Variants in PKHD1 observed in about 807,000 individuals in gnomAD.
The protein encoded by PKHD1 is fibrocystin.
Under a neutral mutation model 412.0 loss-of-function variants are expected in PKHD1, and 291 were observed. That is an observed-to-expected ratio of 0.71 (90% confidence interval 0.64 to 0.78). PKHD1 has a LOEUF of 0.78. Ranked by LOEUF, PKHD1 falls within the 30% of genes least tolerant of loss-of-function variation. PKHD1 has a pLI of 0.00. For missense variants in PKHD1, 4,825 were observed against 4,950.7 expected (o/e 0.97, Z 0.76); for synonymous variants, 1,777 against 1,821.5 (o/e 0.98, Z 0.62).
chr6:51,674,045 G>A (rs1460425800), intron 60 of PKHD1, among the ~76,000 whole-genome samples: 1 of 152,130 alleles, frequency 6.6e-6, no homozygotes, highest in Non-Finnish European at 1.5e-5. Context: ...TAGTGACTGA[G>A]GAAAGCTGGG....
chr6:51,799,996 C>T (rs574651688), intron 52 of PKHD1, among the ~76,000 whole-genome samples: 2 of 152,252 alleles, frequency 1.3e-5, no homozygotes, highest in Admixed American at 6.5e-5. Flanking sequence ...AGAGAATCAG[C>T]ACTGGCATAT....
chr6:51,724,618 G>T (rs961000933), intron 60 of PKHD1, among the ~76,000 whole-genome samples: 8 of 151,970 alleles, frequency 5.3e-5, no homozygotes, highest in Non-Finnish European at 1.2e-4. Context: ...TTGAAATCTT[G>T]GAATCACTGT....
At chr6:51,769,121 T>C (rs1416042405) in intron 55 of PKHD1, among the ~76,000 whole-genome samples, 5 of 151,496 alleles carry the variant, frequency 3.3e-5, no homozygotes, top group Non-Finnish European at 7.4e-5. Flanking sequence ...TCTATTTGGA[T>C]GTTTTCTCAG....
rs73738152 is a variant in PKHD1, at chr6:51,695,238, A to G, written c.10157-35269T>C. ...TGAAAACACTCATCTTGTTAAATAA[A>G]CATTATCTAATGAACAAAGGATTTT... On this transcript the variant is annotated intron_variant, in intron 60 of 66. Transcript: ENST00000371117. Among the ~76,000 whole-genome samples, 468 of 152,268 alleles carry G rather than the reference A, an allele frequency of 3.1e-3. 1 individual carries two copies. The highest frequency in any genetic ancestry group is 0.011 in the African/African-American group (446 of 41,554).
intron 60 of PKHD1, chr6:51,720,866 A>G (rs1781841866): frequency 2.5e-6 from 1 of 400,990 alleles, no homozygotes; most frequent in Non-Finnish European, 3.4e-6. Context: ...TTGTACATAC[A>G]GCATTTATTA....
intron 52 of PKHD1, among the ~76,000 whole-genome samples, chr6:51,805,993 G>A (rs6941078): frequency 0.6 from 89,841 of 149,964 alleles, 27,190 homozygotes; most frequent in East Asian, 0.78. Flanking sequence ...TAATCCTTTG[G>A]GTATATACCC....
intron 60 of PKHD1, among the ~76,000 whole-genome samples, chr6:51,739,284 G>T (rs1042710712): frequency 1.4e-4 from 21 of 151,854 alleles, no homozygotes; most frequent in African/African-American, 4.4e-4. Context: ...AGGCTGGAGT[G>T]CAGTGGCGTC....
intron 55 of PKHD1, among the ~76,000 whole-genome samples, chr6:51,758,974 C>A (rs987187261): frequency 3.9e-5 from 6 of 152,236 alleles, no homozygotes; most frequent in South Asian, 2.1e-4. Flanking sequence ...TGCATTTGAC[C>A]ACAGGCTCAG....
At chr6:51,710,339 A>T (rs1376145284) in intron 60 of PKHD1, among the ~76,000 whole-genome samples, 4 of 152,234 alleles carry the variant, frequency 2.6e-5, no homozygotes, top group Non-Finnish European at 5.9e-5. Context: ...TGCAGTGGAT[A>T]AGGCTCCTTT....
At chr6:52,077,961 GT>G (rs1320574506) in intron 5 of PKHD1, among the ~76,000 whole-genome samples, 1 of 149,754 alleles carries the variant, frequency 6.7e-6, no homozygotes, top group Non-Finnish European at 1.5e-5. Context: ...AAGTACAGTA[GT>G]GGTTATTGAC....
intron 34 of PKHD1, among the ~76,000 whole-genome samples, 159 bp downstream of exon 34, chr6:52,017,251 G>C (rs530922757): frequency 6.6e-6 from 1 of 152,180 alleles, no homozygotes; most frequent in Non-Finnish European, 1.5e-5. Flanking sequence ...TGATATGCAG[G>C]CTGGCTGGAA....
At chr6:51,768,202 G>C (rs1222439760) in intron 55 of PKHD1, among the ~76,000 whole-genome samples, 2 of 151,752 alleles carry the variant, frequency 1.3e-5, no homozygotes, top group Non-Finnish European at 2.9e-5. Flanking sequence ...GTTCATTGTA[G>C]ATTCTGGATA....
At chr6:51,735,337 G>C (rs779335806) in intron 60 of PKHD1, among the ~76,000 whole-genome samples, 1 of 152,106 alleles carries the variant, frequency 6.6e-6, no homozygotes, top group Non-Finnish European at 1.5e-5. Context: ...ATGTGAAGGG[G>C]TATAACGATC....
intron 34 of PKHD1, among the ~76,000 whole-genome samples, chr6:52,014,789 C>CATAG (rs1800309161): frequency 1.4e-5 from 2 of 142,152 alleles, no homozygotes; most frequent in Non-Finnish European, 3.0e-5. Flanking sequence ...ATGGATGGAT[C>CATAG]ATGGATGGAT....
intron 52 of PKHD1, among the ~76,000 whole-genome samples, chr6:51,798,029 T>C (rs1016542561): frequency 6.6e-6 from 1 of 152,154 alleles, no homozygotes; most frequent in Non-Finnish European, 1.5e-5. Flanking sequence ...TTTGCTTATC[T>C]GAAAAGGATC....
At chr6:51,672,524 A>G (rs1485844306) in intron 60 of PKHD1, among the ~76,000 whole-genome samples, 1 of 152,210 alleles carries the variant, frequency 6.6e-6, no homozygotes, top group African/African-American at 2.4e-5. Context: ...CCTAATCTTT[A>G]TCATCTTCAC....
chr6:51,921,058 CT>C lies in PKHD1; in HGVS notation c.6122-8483del, dbSNP rs566889333. 5.1e-3 allele frequency among the ~76,000 whole-genome samples: 772 copies of C among 152,100 alleles called. 7 individuals carry two copies. The highest frequency in any genetic ancestry group is 0.018 in the African/African-American group (742 of 41,494). The stretch of plus-strand genomic sequence containing the variant: ...CTAGTGGTCTATCAATTTTGTTAAT[CT>C]TTTCAAAAAACCAGCTCCTGGATTC... On this transcript the variant is annotated intron_variant, in intron 37 of 66. Coordinates refer to ENST00000371117, the MANE Select transcript of PKHD1 (RefSeq NM_138694.4).
At position 51,955,820 on chromosome 6, in the gene PKHD1, T is replaced by G. The variant is rs1791041050; in HGVS notation, c.5908+4050A>C. Among the ~76,000 whole-genome samples the G allele has an allele frequency of 2.0e-5, 3 of 152,086 alleles. No homozygotes were observed. In the South Asian group the frequency reaches 6.2e-4, roughly 32 times the overall value. On this transcript the variant is annotated intron_variant, in intron 36 of 66. Transcript: ENST00000371117. ...GTTAAAATCTTTTGAAGAAATTATT[T>G]TTGGCTTGAAATTTCTCAGGCTTTA...
At chr6:51,772,831 A>G (rs1233464043) in intron 54 of PKHD1, 42 bp from the exon 55 acceptor site, 2 of 1,120,334 alleles carry the variant, frequency 1.8e-6, no homozygotes. Context: ...AAAATCCTTC[A>G]GAGGAATGAA....
Sources: gnomAD v4.1 joint callset for allele counts (sites outside exome capture counted in the v4.1 genomes callset) on GRCh38, gnomAD v4.1.1 for gene constraint, MANE v1.5 for transcripts, NCBI Gene and HGNC (gene_info 2026-07-23, HGNC 2026-07-21) for gene names.